Variants in DPP10 observed in about 807,000 individuals in gnomAD.
DPP10 encodes dipeptidyl peptidase like 10.
DPP10 carries 33 observed loss-of-function variants against 120.9 expected under a neutral mutation model. That is an observed-to-expected ratio of 0.27 (90% CI 0.21 to 0.37). DPP10 has a LOEUF of 0.37. Among genes scored for constraint, DPP10 ranks in the 10% least tolerant of loss-of-function variants. The pLI, the probability that DPP10 is intolerant of heterozygous loss-of-function variation, is 1.00. For missense variants in DPP10, 816 were observed against 942.8 expected, an observed-to-expected ratio of 0.87 and a Z score of 1.76; for synonymous variants, 337 against 326.1, an observed-to-expected ratio of 1.03 and a Z score of -0.36.
chr2:115,421,470 AGTTT>A (rs1443989196), intron 3 of DPP10, among the ~76,000 whole-genome samples: 1 of 152,186 alleles, frequency 6.6e-6, no homozygotes, highest in Non-Finnish European at 1.5e-5. Flanking sequence ...CTGCAACATC[AGTTT>A]ATTTATATTA....
chr2:115,781,989 A>G (rs1487594449), intron 16 of DPP10, among the ~76,000 whole-genome samples: 2 of 151,966 alleles, frequency 1.3e-5, no homozygotes, highest in African/African-American at 4.8e-5. Flanking sequence ...TTGATCTTGG[A>G]TCAGTGGATG....
chr2:115,740,013 T>G, intron 9 of DPP10, 120 bp downstream of exon 9: 1 of 1,094,416 alleles, frequency 9.1e-7, no homozygotes, highest in Admixed American at 2.0e-5. Flanking sequence ...TTTCCTTACT[T>G]GTCAGACTCA....
At chr2:115,685,213 T>A (rs1417393173) in intron 5 of DPP10, among the ~76,000 whole-genome samples, 2 of 151,980 alleles carry the variant, frequency 1.3e-5, no homozygotes, top group African/African-American at 4.8e-5. Context: ...GAATCTGGTA[T>A]GTAGTGAAAG....
intron 7 of DPP10, among the ~76,000 whole-genome samples, chr2:115,715,287 C>T (rs1217524216): frequency 2.4e-5 from 3 of 123,482 alleles, no homozygotes; most frequent in Non-Finnish European, 3.1e-5. Context: ...TGCAATGAGC[C>T]GAGATCGCGC....
At chr2:115,812,535 G>A (rs1375043796) in intron 19 of DPP10, among the ~76,000 whole-genome samples, 1 of 152,178 alleles carries the variant, frequency 6.6e-6, no homozygotes, top group Non-Finnish European at 1.5e-5. Context: ...CAGACTTCTA[G>A]GTTACAGCAT....
rs1414650729 is a variant in DPP10 at position 115,169,401 on chromosome 2, ATG to A, written c.61-139830_61-139829del. ...ACTTATGTGAATGAAAATGCTGAAT[ATG>A]TGTGTGTACACCATTATCAAATATA... On this transcript the variant is annotated intron_variant, in intron 1 of 25. Transcript: ENST00000410059. Among the ~76,000 whole-genome samples, 4 of 152,082 alleles carry A rather than the reference ATG, an allele frequency of 2.6e-5. No homozygotes were observed. The East Asian group carries it at 5.8e-4, about 22-fold the overall frequency.
chr2:115,678,211 G>A (rs2090410599), intron 5 of DPP10, among the ~76,000 whole-genome samples: 2 of 152,242 alleles, frequency 1.3e-5, no homozygotes, highest in Admixed American at 6.5e-5. Context: ...CCAAGGCAAT[G>A]GGGAAAATGT....
At chr2:115,337,620 A>G (rs917627078) in intron 2 of DPP10, among the ~76,000 whole-genome samples, 18 of 148,140 alleles carry the variant, frequency 1.2e-4, no homozygotes, top group Non-Finnish European at 2.2e-4. Flanking sequence ...CAAGGAATGA[A>G]CATCCCGAAG....
intron 1 of DPP10, among the ~76,000 whole-genome samples, chr2:115,242,216 A>G (rs1574133577): frequency 6.6e-6 from 1 of 152,260 alleles, no homozygotes; most frequent in Non-Finnish European, 1.5e-5. Context: ...TTGCATCCTC[A>G]TAGTTGAGTT....
intron 1 of DPP10, among the ~76,000 whole-genome samples, chr2:114,608,901 G>A (rs985894849): frequency 3.3e-5 from 5 of 152,106 alleles, no homozygotes; most frequent in African/African-American, 1.2e-4. Flanking sequence ...GGGGAGAGAG[G>A]AAGGACGGCA....
At chr2:115,760,689 C>T (rs1680005825) in intron 11 of DPP10, among the ~76,000 whole-genome samples, 1 of 152,176 alleles carries the variant, frequency 6.6e-6, no homozygotes, top group South Asian at 2.1e-4. Context: ...GCTTGTATTA[C>T]TAGAAAATTC....
chr2:115,302,103 G>GGCGGA, intron 1 of DPP10, among the ~76,000 whole-genome samples: 1 of 152,106 alleles, frequency 6.6e-6, no homozygotes, highest in Middle Eastern at 3.4e-3. Flanking sequence ...ATGTTACCAT[G>GGCGGA]GCGGAGCAGG....
chr2:114,657,761 A>G (rs1226767366), intron 1 of DPP10, among the ~76,000 whole-genome samples: 1 of 152,222 alleles, frequency 6.6e-6, no homozygotes, highest in Non-Finnish European at 1.5e-5. Flanking sequence ...GTTTAATGAA[A>G]TTTAAGCACA....
At chr2:115,530,506 G>T (rs1343527516) in intron 5 of DPP10, among the ~76,000 whole-genome samples, 1 of 151,784 alleles carries the variant, frequency 6.6e-6, no homozygotes, top group Admixed American at 6.6e-5. Flanking sequence ...ATGGTGAAAT[G>T]CCATCTCCAC....
At chr2:115,586,617 C>T (rs1197725621) in intron 5 of DPP10, among the ~76,000 whole-genome samples, 1 of 152,156 alleles carries the variant, frequency 6.6e-6, no homozygotes, top group African/African-American at 2.4e-5. Context: ...TTTCCCAAGA[C>T]AGGATTTTGG....
At chr2:115,055,863 A>G (rs1705861269) in intron 1 of DPP10, among the ~76,000 whole-genome samples, 1 of 152,196 alleles carries the variant, frequency 6.6e-6, no homozygotes, top group Non-Finnish European at 1.5e-5. Context: ...CCTGTCATAT[A>G]AAAAATGTAG....
At chr2:114,834,491 C>A (rs957444699) in intron 1 of DPP10, among the ~76,000 whole-genome samples, 9 of 149,270 alleles carry the variant, frequency 6.0e-5, no homozygotes, top group African/African-American at 9.9e-5. Flanking sequence ...TATATATAAG[C>A]CATATCTACG....
At chr2:114,756,139 A>G (rs891869286) in intron 1 of DPP10, among the ~76,000 whole-genome samples, 8 of 152,184 alleles carry the variant, frequency 5.3e-5, no homozygotes, top group African/African-American at 1.9e-4. Flanking sequence ...ACTAAAGGAG[A>G]TGATATGTAA....
At chr2:115,047,605 A>G (rs1705162102) in intron 1 of DPP10, among the ~76,000 whole-genome samples, 1 of 152,088 alleles carries the variant, frequency 6.6e-6, no homozygotes, top group African/African-American at 2.4e-5. Flanking sequence ...AACAATAGCC[A>G]ATGTGAATTA....
Sources: allele counts gnomAD v4.1 joint callset (sites outside exome capture counted in the v4.1 genomes callset), GRCh38; gene constraint gnomAD v4.1.1; transcripts MANE v1.5; gene names NCBI Gene and HGNC (gene_info 2026-07-23, HGNC 2026-07-21).